The following SYNJ2 variants were observed in gnomAD, a reference collection of about 807,000 sequenced individuals.
SYNJ2 encodes polyphosphatidylinositol phosphatase SYNJ2.
In SYNJ2, 116 loss-of-function variants were observed where a neutral mutation model predicts 141.3. The ratio of observed to expected loss-of-function variants is 0.82; its 90% confidence interval spans 0.71 to 0.96. The LOEUF is 0.96. Among genes scored for constraint, SYNJ2 ranks in the 40% least tolerant of loss-of-function variants. SYNJ2 has a pLI of 0.00. For missense variants in SYNJ2, 1,873 were observed against 1,934.8 expected, an observed-to-expected ratio of 0.97 and a Z score of 0.60; for synonymous variants, 745 against 777.7, an observed-to-expected ratio of 0.96 and a Z score of 0.70.
At chr6:158,094,245 C>T (rs980884272) in intron 26 of SYNJ2, among the ~76,000 whole-genome samples, 4 of 152,016 alleles carry the variant, frequency 2.6e-5, no homozygotes, top group African/African-American at 7.2e-5. Context: ...AGATGCTCCT[C>T]GACTTAAAAT....
At chr6:158,085,272 G>C (rs1782963852) in intron 22 of SYNJ2, among the ~76,000 whole-genome samples, 2 of 152,052 alleles carry the variant, frequency 1.3e-5, no homozygotes, top group Admixed American at 1.3e-4. Context: ...CCTCCTACCT[G>C]GGCCTTCCAA....
intron 26 of SYNJ2, among the ~76,000 whole-genome samples, chr6:158,094,994 C>T (rs1486250222): frequency 6.6e-6 from 1 of 152,076 alleles, no homozygotes; most frequent in East Asian, 1.9e-4. Context: ...CTACAAAATA[C>T]AAAAATTAGC....
At chr6:158,068,554 C>A in intron 12 of SYNJ2, 93 bp from the exon 13 acceptor site, 1 of 1,402,674 alleles carries the variant, frequency 7.1e-7, no homozygotes. Flanking sequence ...CAGTGGACAG[C>A]ATGACTCGGG....
intron 2 of SYNJ2, 112 bp from the exon 3 acceptor site, chr6:158,028,644 C>T: frequency 7.0e-7 from 1 of 1,426,308 alleles, no homozygotes; most frequent in Non-Finnish European, 9.5e-7. Flanking sequence ...TGCAGGTGCA[C>T]AGACGTTGCC....
chr6:158,047,774 C>CAAAAAAAAAAAAAAAAAAAAAAA (rs58147972), intron 5 of SYNJ2, among the ~76,000 whole-genome samples: 1 of 32,376 alleles, frequency 3.1e-5, no homozygotes, highest in African/African-American at 1.4e-4. Context: ...GCGACTCTGT[C>CAAAAAAAAAAAAAAAAAAAAAAA]AAAAAAAAAA....
chr6:158,025,827 T>C (rs1779011622), intron 2 of SYNJ2, among the ~76,000 whole-genome samples: 1 of 152,062 alleles, frequency 6.6e-6, no homozygotes. Context: ...TGACGCATGC[T>C]TGTAATCTCA....
chr6:158,062,117 C>G lies in SYNJ2; in HGVS notation c.1080C>G (p.His360Gln). 1 of 1,614,114 alleles carries G rather than the reference C, an allele frequency of 6.2e-7. No individual in the cohort carries two copies. The highest frequency in any genetic ancestry group is 8.5e-7 in the Non-Finnish European group (1 of 1,180,016). ...TCTTGAGGCCACAGTTAAAGCTGCA[C>G]TGGGAAGACTTCGATGTGTTCACAA... The part of the protein sequence containing the change: ...ETLLRPQLKL[H>Q]WEDFDVFTKG... Residue 360 changes from histidine (H) to glutamine (Q), a missense_variant, in exon 8 of 27, where the codon CAC becomes CAG. Physicochemically the swap from His to Gln is conservative, Grantham distance 24. Transcript: ENST00000355585.
At chr6:158,085,914 G>C (rs1347995874) in intron 22 of SYNJ2, among the ~76,000 whole-genome samples, 5 of 152,036 alleles carry the variant, frequency 3.3e-5, no homozygotes, top group Non-Finnish European at 5.9e-5. Flanking sequence ...GGAGGGATGT[G>C]CTCTTCCCAT....
rs766367635 is a variant in SYNJ2 at position 157,981,924 on chromosome 6, CGTGGCCCCGGCCCCCGCCCGCA to C, written c.-33_-12del. 7 of 1,222,888 alleles carry C rather than the reference CGTGGCCCCGGCCCCCGCCCGCA, an allele frequency of 5.7e-6. No homozygotes were observed. Among genetic ancestry groups the C allele is most frequent in the African/African-American group, 1.6e-5 (1 of 63,960 alleles). 75.8% of individuals were successfully genotyped at this position (1,222,888 alleles called of 1,614,324 possible). Reference sequence around the variant, plus strand: ...CGCGGGCAGCGCGCCCTCGGGAGGACGTGGCCCCGGCCCCCGCCCGCAGTGGGCCCGACCCTCATGGCCCTGA... The same window carrying C: ...CGCGGGCAGCGCGCCCTCGGGAGGACGTGGGCCCGACCCTCATGGCCCTGA... On this transcript the variant is annotated 5_prime_UTR_variant, in exon 1 of 27. Coordinates refer to ENST00000355585, the MANE Select transcript of SYNJ2 (RefSeq NM_003898.4). The surrounding 1 kb of genome is among the most constrained non-coding windows in gnomAD (Gnocchi z 6.4).
At position 158,051,628 on chromosome 6, in the gene SYNJ2, T is replaced by A. The variant is rs575729028; in HGVS notation, c.796-3339T>A. Among the ~76,000 whole-genome samples, 12 of 152,092 alleles carry A rather than the reference T, an allele frequency of 7.9e-5. No individual in the cohort carries two copies. The South Asian group carries it at 2.5e-3, about 32-fold the overall frequency. The stretch of plus-strand genomic sequence containing the variant: ...AAAGTGTCTTAGGACCAAAAGGGAT[T>A]TGGGACTTTGTTGAACTGTTTATAT... On this transcript the variant is annotated intron_variant, in intron 5 of 26. Transcript: ENST00000355585.
chr6:158,018,956 G>A (rs1778617521), intron 2 of SYNJ2, among the ~76,000 whole-genome samples: 1 of 152,254 alleles, frequency 6.6e-6, no homozygotes, highest in African/African-American at 2.4e-5. Flanking sequence ...CCATGGTGAT[G>A]ACCGTGAGGA....
chr6:158,029,337 T>C (rs1779237249), intron 3 of SYNJ2: 1 of 201,244 alleles, frequency 5.0e-6, no homozygotes, highest in Non-Finnish European at 9.7e-6. Context: ...TCACTTGAGT[T>C]AAGGAGTTTG....
intron 3 of SYNJ2, among the ~76,000 whole-genome samples, chr6:158,031,875 G>A (rs1448108426): frequency 1.3e-5 from 2 of 152,160 alleles, no homozygotes; most frequent in Non-Finnish European, 2.9e-5. Flanking sequence ...CTTGGCAAAA[G>A]GTTTCTTCTC....
intron 1 of SYNJ2, among the ~76,000 whole-genome samples, chr6:158,005,202 C>T (rs1051929488): frequency 2.6e-5 from 4 of 151,960 alleles, no homozygotes; most frequent in Non-Finnish European, 5.9e-5. Context: ...CTCAGCCTCC[C>T]TAGTAGCTGG....
At chr6:158,037,386 T>A (rs561050253) in intron 4 of SYNJ2, among the ~76,000 whole-genome samples, 30 of 150,162 alleles carry the variant, frequency 2.0e-4, no homozygotes, top group African/African-American at 7.4e-4. Context: ...CTACTCCAGT[T>A]GTCCTCATCT....
Position 158,059,280 on chromosome 6 carries a change from A to C in SYNJ2, c.881A>C (p.Gln294Pro). 3 of 1,550,242 alleles carry C rather than the reference A, an allele frequency of 1.9e-6. No homozygotes were observed. The highest frequency in any genetic ancestry group is 2.6e-6 in the Non-Finnish European group (3 of 1,146,762). ...AGGCACATGGTGCTTCTGAAGGAGC[A>C]GTACGGGCAGCAGGTGGTCGTGAAC... ...FDRHMVLLKEQYGQQVVVNLL... is the reference protein window; with the variant it reads ...FDRHMVLLKEPYGQQVVVNLL... The change falls in exon 7 of 27, where the codon CAG becomes CCG. Residue 294 changes from glutamine (Q) to proline (P), a missense_variant. Transcript: ENST00000355585.
At position 158,071,927 on chromosome 6, in the gene SYNJ2, G is replaced by T. The variant is rs1343786533; in HGVS notation, c.2133+133G>T. The T allele has an allele frequency of 3.1e-5, 33 of 1,070,510 alleles. No individual in the cohort carries two copies. The highest frequency in any genetic ancestry group is 4.1e-5 in the Non-Finnish European group (31 of 763,274). The allele number at this position is 1,070,510 out of a possible 1,614,324, so 66.3% of individuals were successfully genotyped here. A position where few individuals can be genotyped will look rare whatever the true frequency, so the allele number is the denominator to read the frequency against. Reference sequence around the variant, plus strand: ...TCCTGGAGGGCTCAGCGCTGGGGGAGGGGGAGAGGGCTATGTCCCTCCATG... The same window carrying T: ...TCCTGGAGGGCTCAGCGCTGGGGGATGGGGAGAGGGCTATGTCCCTCCATG... On this transcript the variant is annotated intron_variant, in intron 15 of 26. Transcript: ENST00000355585. This position sits in a 1 kb window ranked among gnomAD's most constrained non-coding sequence, Gnocchi z 4.3.
chr6:158,017,624 C>A (rs899389402), intron 2 of SYNJ2: 3 of 415,406 alleles, frequency 7.2e-6, no homozygotes, highest in Non-Finnish European at 1.4e-5. Context: ...CCATGTTGGT[C>A]AGGCTGGTCT....
intron 1 of SYNJ2, among the ~76,000 whole-genome samples, chr6:158,013,900 T>C (rs1267019298): frequency 6.6e-6 from 1 of 152,256 alleles, no homozygotes; most frequent in East Asian, 1.9e-4. Context: ...GGGGAAAATA[T>C]GTGTGTTTGA....
Sources: gnomAD v4.1 joint callset for allele counts (sites outside exome capture counted in the v4.1 genomes callset) on GRCh38, gnomAD v4.1.1 for gene constraint, Gnocchi (gnomAD v3.1) non-coding constraint, MANE v1.5 for transcripts, NCBI Gene and HGNC (gene_info 2026-07-23, HGNC 2026-07-21) for gene names.